RBFOX1: variants seen among roughly 807,000 people sequenced by gnomAD.
RBFOX1 encodes the protein RNA binding protein fox-1 homolog 1.
Under a neutral mutation model 57.7 loss-of-function variants are expected in RBFOX1, and 8 were observed. The ratio of observed to expected loss-of-function variants is 0.14; its 90% CI spans 0.08 to 0.25. The LOEUF (loss-of-function observed/expected upper bound fraction) is 0.25. Among genes scored for constraint, RBFOX1 ranks in the 10% least tolerant of loss-of-function variants. The pLI is 1.00. For missense variants in RBFOX1, 611 were observed against 548.5 expected, an observed-to-expected ratio of 1.11 and a Z score of -1.14; for synonymous variants, 326 against 222.4, an observed-to-expected ratio of 1.47 and a Z score of -4.15.
chr16:6,910,279 C>T (rs1315568170), intron 3 of RBFOX1, among the ~76,000 whole-genome samples: 2 of 152,122 alleles, frequency 1.3e-5, no homozygotes, highest in Non-Finnish European at 2.9e-5. Context: ...CTTCCAGAAT[C>T]GTGTAGGGAG....
Position 7,688,579 on chromosome 16 carries a change from T to TTCA in RBFOX1, c.995+11742_995+11744dup, listed in dbSNP as rs986350903. On this transcript the variant is annotated intron_variant, in intron 14 of 15. Coordinates refer to ENST00000550418, the MANE Select transcript of RBFOX1 (RefSeq NM_018723.4). ...CTGAGAATTCAGCTGTGGGTAATTT[T>TTCA]TCAGAAGGAAAACTGCCAAGAGATG... is the stretch of plus-strand genomic sequence containing the variant. Among the ~76,000 whole-genome samples the TTCA allele has an allele frequency of 1.1e-4, 17 of 152,142 alleles. No homozygotes were observed. The South Asian group carries it at 3.3e-3, about 30-fold the overall frequency.
chr16:6,448,685 A>G (rs191188093), intron 2 of RBFOX1, among the ~76,000 whole-genome samples: 8 of 152,196 alleles, frequency 5.3e-5, no homozygotes, highest in African/African-American at 9.6e-5. Flanking sequence ...CTGTCTACTC[A>G]TGAGACTGTC....
intron 3 of RBFOX1, among the ~76,000 whole-genome samples, chr16:6,920,888 C>T (rs992054852): frequency 6.6e-5 from 10 of 152,208 alleles, no homozygotes; most frequent in African/African-American, 2.2e-4. Flanking sequence ...GGGTCACATT[C>T]ACTGATATCA....
chr16:5,570,020 C>T lies in RBFOX1; in HGVS notation c.259-28882C>T, dbSNP rs115794617. 7.9e-3 allele frequency among the ~76,000 whole-genome samples: 1,207 copies of T among 152,202 alleles called. 16 individuals are homozygous for T. Among genetic ancestry groups the T allele is most frequent in the African/African-American group, 0.028 (1,161 of 41,514 alleles). On this transcript the variant is annotated intron_variant, in intron 2 of 2. Transcript: ENST00000585867. ...GGAGTGGAGTTTAGACTTTATCAGC[C>T]CTTTCGTGGCAACAACACCCAGTGA...
intron 14 of RBFOX1, chr16:7,693,257 G>T: frequency 2.0e-6 from 3 of 1,476,442 alleles, no homozygotes; most frequent in Non-Finnish European, 1.9e-6. Flanking sequence ...GAAGCAATTG[G>T]CAGAGAGCAC....
At chr16:5,649,030 C>T (rs189880417) in intron 3 of RBFOX1, among the ~76,000 whole-genome samples, 51 of 151,882 alleles carry the variant, frequency 3.4e-4, no homozygotes, top group African/African-American at 1.2e-3. Flanking sequence ...TGCCACTGCA[C>T]TCCAGCCTGA....
intron 2 of RBFOX1, among the ~76,000 whole-genome samples, chr16:6,335,732 C>T (rs1187650474): frequency 1.3e-4 from 18 of 141,206 alleles, no homozygotes; most frequent in Non-Finnish European, 2.4e-4. Context: ...AAGCTGAGAT[C>T]GCACCACTAC....
At chr16:6,336,765 G>C (rs1457300899) in intron 2 of RBFOX1, among the ~76,000 whole-genome samples, 1 of 152,152 alleles carries the variant, frequency 6.6e-6, no homozygotes, top group Non-Finnish European at 1.5e-5. Context: ...CAGTGGGAAA[G>C]TACCACTGTA....
chr16:6,139,680 A>G (rs1023726201), intron 1 of RBFOX1, among the ~76,000 whole-genome samples: 6 of 152,226 alleles, frequency 3.9e-5, no homozygotes, highest in African/African-American at 1.2e-4. Flanking sequence ...TGGCTTGGCC[A>G]TGCCATCTTT....
intron 2 of RBFOX1, among the ~76,000 whole-genome samples, chr16:6,514,156 C>G (rs2096318372): frequency 6.6e-6 from 1 of 152,196 alleles, no homozygotes; most frequent in Non-Finnish European, 1.5e-5. Context: ...ATCCAGTGCT[C>G]TTTCTGCTTT....
chr16:5,871,693 CCAAA>C (rs1251870338), intron 4 of RBFOX1, among the ~76,000 whole-genome samples: 4 of 152,028 alleles, frequency 2.6e-5, no homozygotes, highest in East Asian at 3.9e-4. Context: ...ATGCTGACAG[CCAAA>C]CAAAGGAGGT....
intron 2 of RBFOX1, among the ~76,000 whole-genome samples, chr16:5,555,195 A>C (rs1011779564): frequency 6.6e-6 from 1 of 152,214 alleles, no homozygotes; most frequent in South Asian, 2.1e-4. Flanking sequence ...AGTGGATAGA[A>C]TGGAACTATT....
chr16:6,206,190 C>G (rs1016976060), intron 1 of RBFOX1, among the ~76,000 whole-genome samples: 2 of 152,170 alleles, frequency 1.3e-5, no homozygotes, highest in Non-Finnish European at 2.9e-5. Flanking sequence ...TCTCCCCTGG[C>G]TCACTTTAGC....
chr16:6,785,121 T>G (rs2081709668), intron 3 of RBFOX1, among the ~76,000 whole-genome samples: 1 of 151,970 alleles, frequency 6.6e-6, no homozygotes, highest in Admixed American at 6.6e-5. Context: ...CCAAAAATAT[T>G]CATTATTAAA....
chr16:5,609,277 A>G (rs1289420823), intron 3 of RBFOX1, among the ~76,000 whole-genome samples: 3 of 152,208 alleles, frequency 2.0e-5, no homozygotes, highest in African/African-American at 7.2e-5. Context: ...TTTTACAGAA[A>G]GGAGAGCTGT....
At chr16:7,106,810 C>T (rs2063667841) in intron 4 of RBFOX1, among the ~76,000 whole-genome samples, 1 of 151,766 alleles carries the variant, frequency 6.6e-6, no homozygotes, top group Admixed American at 6.6e-5. Flanking sequence ...AAGGTGTCTG[C>T]TGGACAGCAT....
At chr16:7,329,964 G>C (rs2096663043) in intron 4 of RBFOX1, among the ~76,000 whole-genome samples, 1 of 152,112 alleles carries the variant, frequency 6.6e-6, no homozygotes, top group Admixed American at 6.5e-5. Context: ...TTGGCACTGG[G>C]TATGTTCTGA....
chr16:7,393,004 G>T (rs2148509314), intron 4 of RBFOX1, among the ~76,000 whole-genome samples: 1 of 152,236 alleles, frequency 6.6e-6, no homozygotes, highest in African/African-American at 2.4e-5. Context: ...CTCCCGTATA[G>T]CTGGGACTAC....
At chr16:7,698,480 T>A (rs1200977373) in intron 14 of RBFOX1, among the ~76,000 whole-genome samples, 1 of 152,008 alleles carries the variant, frequency 6.6e-6, no homozygotes, top group African/African-American at 2.4e-5. Context: ...AGTTCAGGGG[T>A]ACAAGGAGGT....
Sources: allele counts gnomAD v4.1 joint callset (sites outside exome capture counted in the v4.1 genomes callset), GRCh38; gene constraint gnomAD v4.1.1; transcripts MANE v1.5; gene names NCBI Gene and HGNC (gene_info 2026-07-23, HGNC 2026-07-21).